Variants in AMD1 observed in about 807,000 individuals in gnomAD.
AMD1 encodes the protein adenosylmethionine decarboxylase 1.
AMD1 carries 11 observed loss-of-function variants against 40.2 expected under a neutral mutation model. That is an observed-to-expected ratio of 0.27 (90% CI 0.17 to 0.45). The LOEUF is 0.45. Among genes scored for constraint, AMD1 ranks in the 20% least tolerant of loss-of-function variants. The pLI is 1.00. For missense variants in AMD1, 257 were observed against 410.2 expected, an observed-to-expected ratio of 0.63 and a Z score of 3.23; for synonymous variants, 121 against 130.8, an observed-to-expected ratio of 0.93 and a Z score of 0.51.
chr6:110,850,252 A>G, the AMD1 span, among the ~76,000 whole-genome samples: 1 of 152,186 alleles, frequency 6.6e-6, no homozygotes, highest in African/African-American at 2.4e-5. Flanking sequence ...AAAACATAAC[A>G]TACAACTTCA....
At chr6:110,885,197 A>G (rs759387667) in intron 1 of AMD1, among the ~76,000 whole-genome samples, 2 of 152,062 alleles carry the variant, frequency 1.3e-5, no homozygotes, top group Non-Finnish European at 2.9e-5. Flanking sequence ...GCTCACTGCA[A>G]TCTCCATCTC....
chr6:110,843,368 G>A, the AMD1 span, among the ~76,000 whole-genome samples: 1 of 150,352 alleles, frequency 6.7e-6, no homozygotes, highest in East Asian at 2.0e-4. Flanking sequence ...GGAGGCTGAG[G>A]CAGGAGAATC....
Position 110,892,143 on chromosome 6 carries a change from G to C in AMD1, c.428-18G>C. Reference sequence around the variant, plus strand: ...AATGGATGTGTTATATTTATTTTGCGTTCTCTTCCCTCAACAGATGGAGCA... The same window carrying C: ...AATGGATGTGTTATATTTATTTTGCCTTCTCTTCCCTCAACAGATGGAGCA... On this transcript the variant is annotated intron_variant, in intron 4 of 8. Transcript: ENST00000368885. 6.2e-7 allele frequency: 1 copy of C among 1,612,812 alleles called. No homozygotes were observed. The highest frequency in any genetic ancestry group is 8.5e-7 in the Non-Finnish European group (1 of 1,179,810).
At chr6:110,853,145 CAG>C in the AMD1 span, among the ~76,000 whole-genome samples, 17 of 151,202 alleles carry the variant, frequency 1.1e-4, no homozygotes, top group African/African-American at 4.1e-4. Flanking sequence ...TTTTTTGAGA[CAG>C]AGTCTCACTC....
chr6:110,826,470 A>G, the AMD1 span, among the ~76,000 whole-genome samples: 1 of 151,806 alleles, frequency 6.6e-6, no homozygotes, highest in East Asian at 1.9e-4. Context: ...TGATTAGCTC[A>G]CAGTCCTGGA....
At chr6:110,858,429 T>C in the AMD1 span, 7 of 947,566 alleles carry the variant, frequency 7.4e-6, no homozygotes, top group East Asian at 1.2e-4. Flanking sequence ...TGGACACTCA[T>C]GAACAAGCTA....
In AMD1 at chr6:110,887,573, A is replaced by G. The variant is rs763884464; in HGVS notation, c.179A>G (p.Gln60Arg). The G allele has an allele frequency of 1.9e-6, 3 of 1,608,496 alleles. No individual in the cohort carries two copies. The South Asian group carries it at 3.3e-5, about 18-fold the overall frequency. Residue 60 changes from glutamine (Q) to arginine (R), a missense_variant, in exon 2 of 9, where the codon CAG (glutamine) becomes CGG (arginine). Transcript: ENST00000368885. ...ATAAGTGTGACAAAAACTGACAAGC[A>G]GGAAGCTTATGTACTCAGGTAAGTC... ...SIISVTKTDK[Q>R]EAYVLSESSM...
At chr6:110,881,327 C>T (rs1004078601) in intron 1 of AMD1, among the ~76,000 whole-genome samples, 33 of 152,228 alleles carry the variant, frequency 2.2e-4, no homozygotes, top group African/African-American at 6.3e-4. Context: ...CTGGCAACAC[C>T]ACCACCACCC....
chr6:110,821,519 C>T, the AMD1 span, among the ~76,000 whole-genome samples: 17 of 151,850 alleles, frequency 1.1e-4, no homozygotes, highest in Non-Finnish European at 2.2e-4. Flanking sequence ...GAGGCTGAGG[C>T]GGGAGAATCA....
At chr6:110,815,113 C>T in the AMD1 span, 1 of 1,602,298 alleles carries the variant, frequency 6.2e-7, no homozygotes, top group Non-Finnish European at 8.5e-7. Context: ...CCGCCGCCAG[C>T]TTCGCCTTGA....
intron 1 of AMD1, among the ~76,000 whole-genome samples, chr6:110,886,105 A>C (rs148847644): frequency 6.6e-6 from 1 of 151,848 alleles, no homozygotes; most frequent in Non-Finnish European, 1.5e-5. Flanking sequence ...AAATACAAAA[A>C]TTAGCCAGGT....
At chr6:110,825,523 C>T in the AMD1 span, among the ~76,000 whole-genome samples, 18 of 152,302 alleles carry the variant, frequency 1.2e-4, no homozygotes, top group East Asian at 3.9e-4. Flanking sequence ...GCAAGAGTCA[C>T]GGGGCTTATG....
chr6:110,852,347 G>A, the AMD1 span, among the ~76,000 whole-genome samples: 18 of 149,832 alleles, frequency 1.2e-4, no homozygotes, highest in African/African-American at 4.2e-4. Context: ...TCAGTCTCCC[G>A]AGTAGCTACA....
chr6:110,892,103 C>T lies in AMD1; in HGVS notation c.428-58C>T, dbSNP rs1288008490. On this transcript the variant is annotated intron_variant, in intron 4 of 8. Transcript: ENST00000368885. Reference sequence around the variant, plus strand: ...TCTGCTTATTGTGGAAGGGTAGTAACAAACCATCCTATTAAATGGATGTGT... The same window carrying T: ...TCTGCTTATTGTGGAAGGGTAGTAATAAACCATCCTATTAAATGGATGTGT... 2.1e-5 allele frequency: 33 copies of T among 1,574,844 alleles called. No individual in the cohort carries two copies. In the East Asian group the frequency reaches 7.2e-4, roughly 34 times the overall value.
chr6:110,855,526 A>G, the AMD1 span, among the ~76,000 whole-genome samples: 3 of 152,168 alleles, frequency 2.0e-5, no homozygotes, highest in African/African-American at 4.8e-5. Context: ...AACTGCTGCA[A>G]GCCAGGCTGA....
the AMD1 span, among the ~76,000 whole-genome samples, chr6:110,827,503 G>A: frequency 6.6e-6 from 1 of 151,986 alleles, no homozygotes; most frequent in African/African-American, 2.4e-5. Flanking sequence ...GGTGGCTCAC[G>A]CCTGTAATGC....
the AMD1 span, among the ~76,000 whole-genome samples, chr6:110,840,907 G>C: frequency 1.3e-5 from 2 of 152,128 alleles, no homozygotes; most frequent in Non-Finnish European, 2.9e-5. Flanking sequence ...GGGACTGTGG[G>C]ATAAAAACCA....
chr6:110,830,459 A>G, the AMD1 span, among the ~76,000 whole-genome samples: 2 of 152,196 alleles, frequency 1.3e-5, no homozygotes, highest in African/African-American at 4.8e-5. Context: ...ATTCCTCCAT[A>G]AGACATGCCT....
chr6:110,855,913 T>C, the AMD1 span, among the ~76,000 whole-genome samples: 2 of 151,856 alleles, frequency 1.3e-5, no homozygotes, highest in African/African-American at 4.8e-5. Flanking sequence ...AGACCCCAAC[T>C]CCAAAAATAA....
Sources: gnomAD v4.1 joint callset for allele counts (sites outside exome capture counted in the v4.1 genomes callset) on GRCh38, gnomAD v4.1.1 for gene constraint, MANE v1.5 for transcripts, NCBI Gene and HGNC (gene_info 2026-07-23, HGNC 2026-07-21) for gene names.